PEBP4: variants seen among roughly 807,000 people sequenced by gnomAD.
PEBP4 encodes phosphatidylethanolamine binding protein 4, also known as phosphatidylethanolamine-binding protein 4.
PEBP4 carries 22 observed loss-of-function variants against 23.9 expected under a neutral mutation model. That is an observed-to-expected ratio of 0.92 (90% CI 0.66 to 1.31). The LOEUF (loss-of-function observed/expected upper bound fraction) is 1.31. PEBP4 is among the 40% of genes most tolerant of loss of function. The probability of loss-of-function intolerance (pLI) is 0.00; values close to 1 mark genes in which losing one functional copy is unlikely to be tolerated. For synonymous variants in PEBP4, 112 were observed against 99.3 expected (o/e 1.13, Z -0.76); for missense variants, 324 against 281.7 (o/e 1.15, Z -1.07).
intron 3 of PEBP4, among the ~76,000 whole-genome samples, chr8:22,848,801 T>G (rs1334139754): frequency 3.3e-5 from 5 of 152,168 alleles, no homozygotes; most frequent in East Asian, 1.9e-4. Flanking sequence ...GACAGGCAGT[T>G]GGGGAAAAAG....
At chr8:22,918,256 C>G (rs1809120702) in intron 3 of PEBP4, among the ~76,000 whole-genome samples, 1 of 152,184 alleles carries the variant, frequency 6.6e-6, no homozygotes, top group Non-Finnish European at 1.5e-5. Context: ...TAGTAGAATA[C>G]TATGTTTTTC....
Position 22,779,221 on chromosome 8 carries a change from G to A in PEBP4, c.357+38416C>T, listed in dbSNP as rs191296807. Among the ~76,000 whole-genome samples, 185 of 152,280 alleles carry A rather than the reference G, an allele frequency of 1.2e-3. 1 individual carries two copies. Among genetic ancestry groups the A allele is most frequent in the African/African-American group, 3.7e-3 (154 of 41,548 alleles). ...CTCCCCATAGAAGGATCCAGTCCTCGTGGGGTTCAAGGTGACCCATATTTG... is the reference window on the plus strand; with the variant it reads ...CTCCCCATAGAAGGATCCAGTCCTCATGGGGTTCAAGGTGACCCATATTTG... On this transcript the variant is annotated intron_variant, in intron 4 of 6. Coordinates refer to ENST00000256404, the MANE Select transcript of PEBP4 (RefSeq NM_144962.3).
chr8:22,851,971 T>C lies in PEBP4; in HGVS notation c.259-34236A>G, dbSNP rs567877034. 2.0e-5 allele frequency among the ~76,000 whole-genome samples: 3 copies of C among 152,046 alleles called. No individual in the cohort carries two copies. In the South Asian group the frequency reaches 6.2e-4, roughly 32 times the overall value. On this transcript the variant is annotated intron_variant, in intron 3 of 6. Coordinates refer to ENST00000256404, the MANE Select transcript of PEBP4 (RefSeq NM_144962.3). ...CACGGGCCAGCTGGGATCAGCTGTG[T>C]GGGGCAGGGAAAGAAATTAATTTTC...
rs138283398 is a variant in PEBP4, at chr8:22,778,923, C to T, written c.357+38714G>A. ...AGGGCGGGCTCCTCTGTCATGTTGT[C>T]GGAGGCTGTCCTCGGAGGTGTGAGG... On this transcript the variant is annotated intron_variant, in intron 4 of 6. Transcript: ENST00000256404. 4.7e-3 allele frequency among the ~76,000 whole-genome samples: 710 copies of T among 152,224 alleles called. 10 individuals carry two copies. Among genetic ancestry groups the T allele is most frequent in the African/African-American group, 0.016 (674 of 41,522 alleles).
intron 3 of PEBP4, among the ~76,000 whole-genome samples, chr8:22,898,122 T>C (rs957152641): frequency 1.3e-5 from 2 of 151,794 alleles, no homozygotes; most frequent in African/African-American, 2.4e-5. Context: ...CCAGGCGCAG[T>C]GGCTCACGCC....
chr8:22,770,872 T>G (rs1805705445), intron 4 of PEBP4, among the ~76,000 whole-genome samples: 1 of 152,256 alleles, frequency 6.6e-6, no homozygotes. Context: ...AAAAAAATCT[T>G]GGCTTAGCTT....
chr8:22,735,986 C>A (rs1324989843), intron 4 of PEBP4, among the ~76,000 whole-genome samples: 4 of 152,226 alleles, frequency 2.6e-5, no homozygotes, highest in African/African-American at 9.6e-5. Context: ...TGAGAACATC[C>A]TTCTTTTCTT....
At chr8:22,801,183 T>C (rs1282626324) in intron 4 of PEBP4, among the ~76,000 whole-genome samples, 2 of 152,172 alleles carry the variant, frequency 1.3e-5, no homozygotes, top group Admixed American at 1.3e-4. Context: ...GTCACAGCTG[T>C]GCCTGAGAAG....
intron 3 of PEBP4, among the ~76,000 whole-genome samples, chr8:22,899,690 G>T (rs78288357): frequency 0.016 from 2,460 of 152,278 alleles, 66 homozygotes; most frequent in African/African-American, 0.055. Flanking sequence ...AGGAGAGAGA[G>T]GAGGGTGCCA....
chr8:22,831,214 T>A (rs1387933593), intron 3 of PEBP4, among the ~76,000 whole-genome samples: 1 of 152,234 alleles, frequency 6.6e-6, no homozygotes, highest in Non-Finnish European at 1.5e-5. Flanking sequence ...CTGAGCCCCA[T>A]TCTAGATTAT....
intron 3 of PEBP4, among the ~76,000 whole-genome samples, chr8:22,847,452 T>A (rs913926067): frequency 1.5e-4 from 23 of 152,192 alleles, no homozygotes; most frequent in African/African-American, 5.5e-4. Context: ...AACACCATCA[T>A]GGGGTGGCAG....
intron 3 of PEBP4, among the ~76,000 whole-genome samples, chr8:22,918,562 G>A (rs1809128457): frequency 6.6e-6 from 1 of 152,146 alleles, no homozygotes; most frequent in African/African-American, 2.4e-5. Context: ...GCTCAGAAAA[G>A]TCTACACTGC....
At chr8:22,855,474 T>G (rs992245470) in intron 3 of PEBP4, among the ~76,000 whole-genome samples, 1 of 152,176 alleles carries the variant, frequency 6.6e-6, no homozygotes, top group Non-Finnish European at 1.5e-5. Flanking sequence ...CTATTAGATG[T>G]GGGGTCTGTG....
chr8:22,931,991 A>C (rs1262529069), upstream of PEBP4, among the ~76,000 whole-genome samples: 1 of 152,294 alleles, frequency 6.6e-6, no homozygotes, highest in East Asian at 1.9e-4. Flanking sequence ...ATGCAACTTC[A>C]AATTTGGAAC....
chr8:22,841,559 G>A (rs910242589), intron 3 of PEBP4, among the ~76,000 whole-genome samples: 2 of 152,212 alleles, frequency 1.3e-5, no homozygotes, highest in Admixed American at 1.3e-4. Flanking sequence ...CACCTTCATG[G>A]AAGAGGAATT....
chr8:22,926,822 CAA>C (rs1325031768), intron 2 of PEBP4, among the ~76,000 whole-genome samples: 1 of 152,146 alleles, frequency 6.6e-6, no homozygotes, highest in African/African-American at 2.4e-5. Flanking sequence ...AGTAAGTAGT[CAA>C]AGTTCTTTTT....
At chr8:22,785,345 C>T (rs1806006543) in intron 4 of PEBP4, among the ~76,000 whole-genome samples, 1 of 152,176 alleles carries the variant, frequency 6.6e-6, no homozygotes, top group African/African-American at 2.4e-5. Flanking sequence ...CTGGGGCCAC[C>T]TATGGGAATC....
chr8:22,912,550 TTC>T (rs999283227), intron 3 of PEBP4, among the ~76,000 whole-genome samples: 1 of 152,198 alleles, frequency 6.6e-6, no homozygotes, highest in Non-Finnish European at 1.5e-5. Flanking sequence ...GTTCTCCCAC[TTC>T]CCAGGTTTGG....
chr8:22,774,076 C>T (rs953890664), intron 4 of PEBP4, among the ~76,000 whole-genome samples: 1 of 152,140 alleles, frequency 6.6e-6, no homozygotes. Flanking sequence ...GCTGGTTTCA[C>T]AGAGCTGTGA....
Sources: gnomAD v4.1 joint callset for allele counts (sites outside exome capture counted in the v4.1 genomes callset) on GRCh38, gnomAD v4.1.1 for gene constraint, MANE v1.5 for transcripts, NCBI Gene and HGNC (gene_info 2026-07-23, HGNC 2026-07-21) for gene names.